Variants in NUDCD3 observed in about 807,000 individuals in gnomAD.
NUDCD3 encodes NudC domain containing 3, also known as nudC domain-containing protein 3.
A neutral mutation model predicts 39.7 loss-of-function variants in NUDCD3; 13 were observed. The ratio of observed to expected loss-of-function variants is 0.33; its 90% CI spans 0.21 to 0.52. The LOEUF is 0.52. Ranked by LOEUF, NUDCD3 falls within the 20% of genes least tolerant of loss-of-function variation. The probability of loss-of-function intolerance (pLI) is 0.96; values close to 1 mark genes in which losing one functional copy is unlikely to be tolerated. For missense variants in NUDCD3, 453 were observed against 458.1 expected (o/e 0.99, Z 0.10); for synonymous variants, 175 against 172.4 (o/e 1.02, Z -0.12).
intron 3 of NUDCD3, chr7:44,426,280 C>G (rs1200750544): frequency 1.7e-5 from 7 of 416,680 alleles, no homozygotes; most frequent in Non-Finnish European, 2.3e-5. Flanking sequence ...TAAAAGAAAC[C>G]TGGGGAAAGG....
intron 2 of NUDCD3, among the ~76,000 whole-genome samples, chr7:44,469,327 C>T (rs900888435): frequency 2.0e-5 from 3 of 152,006 alleles, no homozygotes; most frequent in African/African-American, 4.8e-5. Flanking sequence ...TTCTATTTTA[C>T]AGAATGAGAT....
intron 2 of NUDCD3, among the ~76,000 whole-genome samples, chr7:44,476,702 T>C (rs550030438): frequency 6.5e-4 from 99 of 152,292 alleles, no homozygotes; most frequent in Admixed American, 1.0e-3. Context: ...AGAAATGGAA[T>C]TCGGCATGCA....
chr7:44,449,201 C>T (rs969732719), intron 2 of NUDCD3, among the ~76,000 whole-genome samples: 1 of 152,098 alleles, frequency 6.6e-6, no homozygotes, highest in Non-Finnish European at 1.5e-5. Context: ...GGAAACAAGA[C>T]GAGCCTAAGA....
At chr7:44,471,446 A>G (rs1298826470) in intron 2 of NUDCD3, among the ~76,000 whole-genome samples, 2 of 152,214 alleles carry the variant, frequency 1.3e-5, no homozygotes, top group African/African-American at 4.8e-5. Flanking sequence ...CCAACTGTAC[A>G]TGGTAACAAC....
intron 2 of NUDCD3, among the ~76,000 whole-genome samples, chr7:44,451,257 A>C (rs551927026): frequency 3.8e-4 from 58 of 152,220 alleles, no homozygotes; most frequent in Non-Finnish European, 7.9e-4. Flanking sequence ...ATATGATTCC[A>C]TTTACATGAG....
chr7:44,468,661 C>T (rs1184016373), intron 2 of NUDCD3, among the ~76,000 whole-genome samples: 5 of 152,202 alleles, frequency 3.3e-5, no homozygotes, highest in Non-Finnish European at 7.3e-5. Flanking sequence ...CACCAACTAA[C>T]ACAGCAGGCC....
At chr7:44,434,271 G>A (rs1188374572) in intron 2 of NUDCD3, among the ~76,000 whole-genome samples, 2 of 152,094 alleles carry the variant, frequency 1.3e-5, no homozygotes, top group Non-Finnish European at 2.9e-5. Context: ...CCCAACGCCA[G>A]CAACCCAGAC....
chr7:44,459,458 G>A (rs980778601), intron 2 of NUDCD3, among the ~76,000 whole-genome samples: 2 of 152,026 alleles, frequency 1.3e-5, no homozygotes, highest in African/African-American at 4.8e-5. Context: ...GAAGTGTTGG[G>A]ATTACAGGAA....
At chr7:44,414,107 A>AT (rs1798978608) in intron 3 of NUDCD3, among the ~76,000 whole-genome samples, 3 of 152,186 alleles carry the variant, frequency 2.0e-5, no homozygotes, top group South Asian at 2.1e-4. Flanking sequence ...ACTTCATGGA[A>AT]TTTTTTCTAT....
intron 3 of NUDCD3, among the ~76,000 whole-genome samples, chr7:44,413,510 G>A (rs1250751297): frequency 2.6e-5 from 4 of 152,056 alleles, no homozygotes; most frequent in African/African-American, 9.7e-5. Flanking sequence ...AATAGAAAAT[G>A]GGCAAAAGAT....
At chr7:44,470,590 G>C (rs2116964188) in intron 2 of NUDCD3, among the ~76,000 whole-genome samples, 1 of 152,282 alleles carries the variant, frequency 6.6e-6, no homozygotes, top group South Asian at 2.1e-4. Context: ...GAGAGCACAA[G>C]GCCTGCGTGG....
intron 2 of NUDCD3, among the ~76,000 whole-genome samples, chr7:44,480,171 A>C (rs1800457536): frequency 6.6e-6 from 1 of 152,276 alleles, no homozygotes; most frequent in Non-Finnish European, 1.5e-5. Context: ...CACTGGTTCA[A>C]GAATTTTAAA....
rs1483029476 is a variant in NUDCD3 at position 44,429,827 on chromosome 7, G to A, written c.510-2124C>T. 7.2e-5 allele frequency among the ~76,000 whole-genome samples: 11 copies of A among 152,210 alleles called. No homozygotes were observed. The East Asian group carries it at 2.1e-3, about 29-fold the overall frequency. On this transcript the variant is annotated intron_variant, in intron 2 of 5. Transcript: ENST00000355451. ...CATGAGAAAAGAGGGTGGGGGGAAG[G>A]AAACTAAAGAATGCTCAATAGGTTG...
chr7:44,411,354 G>A (rs1028762899), intron 3 of NUDCD3, among the ~76,000 whole-genome samples: 1 of 152,142 alleles, frequency 6.6e-6, no homozygotes, highest in Admixed American at 6.5e-5. Context: ...CATAAAATGG[G>A]AGAAAATATC....
At chr7:44,456,272 T>C (rs997852328) in intron 2 of NUDCD3, among the ~76,000 whole-genome samples, 2 of 151,620 alleles carry the variant, frequency 1.3e-5, no homozygotes, top group African/African-American at 2.4e-5. Flanking sequence ...AATATCTGAA[T>C]AACTGAAGAA....
At chr7:44,461,501 T>C (rs770906731) in intron 2 of NUDCD3, among the ~76,000 whole-genome samples, 5 of 152,208 alleles carry the variant, frequency 3.3e-5, no homozygotes, top group African/African-American at 7.2e-5. Context: ...GGCACACTCA[T>C]AAAGACTAAA....
At chr7:44,404,312 C>A in intron 4 of NUDCD3, 128 bp downstream of exon 4, 1 of 915,590 alleles carries the variant, frequency 1.1e-6, no homozygotes, top group Non-Finnish European at 1.7e-6. Context: ...TCAGGAAAAC[C>A]CATCTGCCCC....
At chr7:44,486,543 C>T (rs943309193) in intron 1 of NUDCD3, among the ~76,000 whole-genome samples, 1 of 152,046 alleles carries the variant, frequency 6.6e-6, no homozygotes, top group Non-Finnish European at 1.5e-5. Context: ...TCAATAAAAT[C>T]CTAAAAGGTT....
intron 4 of NUDCD3, among the ~76,000 whole-genome samples, chr7:44,392,820 A>G (rs1798545395): frequency 6.6e-6 from 1 of 151,946 alleles, no homozygotes; most frequent in Admixed American, 6.6e-5. Flanking sequence ...GCCCACTCTC[A>G]TGAAGAAAGG....
Sources: gnomAD v4.1 joint callset for allele counts (sites outside exome capture counted in the v4.1 genomes callset) on GRCh38, gnomAD v4.1.1 for gene constraint, MANE v1.5 for transcripts, NCBI Gene and HGNC (gene_info 2026-07-23, HGNC 2026-07-21) for gene names.